Variants in NRXN1 observed in about 807,000 individuals in gnomAD.
The protein encoded by NRXN1 is neurexin-1.
Under a neutral mutation model 150.9 loss-of-function variants are expected in NRXN1, and 39 were observed. That is an observed-to-expected ratio of 0.26 (90% confidence interval 0.20 to 0.34). NRXN1 has a LOEUF of 0.34. Ranked by LOEUF, NRXN1 falls within the 10% of genes least tolerant of loss-of-function variation. The probability of loss-of-function intolerance (pLI) is 1.00; values close to 1 mark genes in which losing one functional copy is unlikely to be tolerated. For missense variants in NRXN1, 1,815 were observed against 1,949.9 expected (o/e 0.93, Z 1.30); for synonymous variants, 924 against 757.0 (o/e 1.22, Z -3.62).
intron 5 of NRXN1, among the ~76,000 whole-genome samples, chr2:50,797,523 A>C (rs1352169860): frequency 6.6e-6 from 1 of 152,178 alleles, no homozygotes; most frequent in Non-Finnish European, 1.5e-5. Context: ...AAATCATGCC[A>C]ATACTGAAAA....
chr2:51,004,069 G>GA lies in NRXN1; in HGVS notation c.772+23432dup, dbSNP rs35431808. On this transcript the variant is annotated intron_variant, in intron 2 of 22. Transcript: ENST00000401669. ...GTTGTTTGCTTGTGTGGTGGTGGGG[G>GA]AAAAAAAAAAAAACTTAGAAGACAT... Among the ~76,000 whole-genome samples the GA allele has an allele frequency of 3.3e-3, 470 of 143,402 alleles. 7 individuals are homozygous for GA. Among genetic ancestry groups the GA allele is most frequent in the Admixed American group, 0.022 (306 of 14,212 alleles). The allele number at this position is 143,402 out of a possible 152,430, so 94.1% of individuals were successfully genotyped here. A position where few individuals can be genotyped will look rare whatever the true frequency, so the allele number is the denominator to read the frequency against.
At position 50,747,388 on chromosome 2, in the gene NRXN1, G is replaced by T. The variant is rs544233090; in HGVS notation, c.833-123773C>A. Among the ~76,000 whole-genome samples, 3 of 152,234 alleles carry T rather than the reference G, an allele frequency of 2.0e-5. No individual in the cohort carries two copies. The East Asian group carries it at 5.8e-4, about 29-fold the overall frequency. Reference sequence around the variant, plus strand: ...GTGGAATGAGGTTTCCTAATTTATAGATTCCTCTGTGGATGTTTGGTGGAA... The same window carrying T: ...GTGGAATGAGGTTTCCTAATTTATATATTCCTCTGTGGATGTTTGGTGGAA... On this transcript the variant is annotated intron_variant, in intron 5 of 22. Transcript: ENST00000401669.
At chr2:50,583,508 T>C (rs1309296006) in intron 8 of NRXN1, among the ~76,000 whole-genome samples, 1 of 152,186 alleles carries the variant, frequency 6.6e-6, no homozygotes, top group Non-Finnish European at 1.5e-5. Flanking sequence ...CCTGCCAGTT[T>C]CCACAAGGAA....
intron 5 of NRXN1, among the ~76,000 whole-genome samples, chr2:50,838,903 CA>C (rs1302317180): frequency 1.3e-5 from 2 of 152,082 alleles, no homozygotes; most frequent in Non-Finnish European, 2.9e-5. Flanking sequence ...GAAACTAACA[CA>C]GGGACATTCC....
At chr2:50,654,293 C>T (rs1371787221) in intron 5 of NRXN1, among the ~76,000 whole-genome samples, 4 of 144,788 alleles carry the variant, frequency 2.8e-5, no homozygotes, top group Non-Finnish European at 6.0e-5. Context: ...GTTTTTTTGT[C>T]CTTGCCATAG....
chr2:50,822,604 C>A (rs923585660), intron 5 of NRXN1, among the ~76,000 whole-genome samples: 2 of 152,024 alleles, frequency 1.3e-5, no homozygotes, highest in Non-Finnish European at 2.9e-5. Context: ...AGGACACACT[C>A]CTATTTTATC....
At chr2:50,874,900 A>T (rs1252801516) in intron 5 of NRXN1, among the ~76,000 whole-genome samples, 1 of 151,886 alleles carries the variant, frequency 6.6e-6, no homozygotes, top group African/African-American at 2.4e-5. Flanking sequence ...AAGCATTACT[A>T]TAATAAAATT....
chr2:49,925,171 T>C (rs1405082561), intron 22 of NRXN1, among the ~76,000 whole-genome samples: 5 of 151,902 alleles, frequency 3.3e-5, no homozygotes, highest in African/African-American at 9.7e-5. Context: ...TCCCAGTTAC[T>C]TGGGGGATTG....
intron 17 of NRXN1, among the ~76,000 whole-genome samples, chr2:50,287,754 A>C (rs1412875043): frequency 6.6e-6 from 1 of 152,192 alleles, no homozygotes; most frequent in Non-Finnish European, 1.5e-5. Context: ...AATAAGTGTT[A>C]GTTGCTTGCT....
At chr2:50,460,771 T>C (rs752486783) in intron 17 of NRXN1, among the ~76,000 whole-genome samples, 11 of 152,076 alleles carry the variant, frequency 7.2e-5, no homozygotes, top group Non-Finnish European at 1.3e-4. Context: ...TGTTTCCCCA[T>C]AGTTTTTTTA....
intron 17 of NRXN1, among the ~76,000 whole-genome samples, chr2:50,353,445 C>T (rs941987749): frequency 7.2e-5 from 11 of 152,200 alleles, no homozygotes; most frequent in Admixed American, 3.9e-4. Flanking sequence ...CATAATGTAG[C>T]GTGACAACAT....
intron 18 of NRXN1, among the ~76,000 whole-genome samples, chr2:50,103,668 A>T (rs778549687): frequency 1.3e-5 from 2 of 152,054 alleles, no homozygotes; most frequent in Non-Finnish European, 2.9e-5. Context: ...TAACTCATGG[A>T]CGTTTTGAAC....
chr2:50,827,813 G>T (rs376204771), intron 5 of NRXN1, among the ~76,000 whole-genome samples: 1 of 150,484 alleles, frequency 6.6e-6, no homozygotes. Context: ...GACTCTTAAC[G>T]AGCATGCTGC....
chr2:50,564,491 C>G (rs1326224500), intron 8 of NRXN1, among the ~76,000 whole-genome samples: 1 of 152,078 alleles, frequency 6.6e-6, no homozygotes, highest in Admixed American at 6.6e-5. Context: ...TTGACTTTAT[C>G]TGCTAAACAA....
chr2:50,429,996 T>A (rs976411434), intron 17 of NRXN1, among the ~76,000 whole-genome samples: 2 of 152,170 alleles, frequency 1.3e-5, no homozygotes, highest in Admixed American at 1.3e-4. Context: ...TATATTCACA[T>A]AAAACAGAAT....
chr2:50,633,889 C>CAAT (rs1317196419), intron 5 of NRXN1, among the ~76,000 whole-genome samples: 1 of 151,988 alleles, frequency 6.6e-6, no homozygotes, highest in Non-Finnish European at 1.5e-5. Flanking sequence ...TGAGGGTGTG[C>CAAT]AATAACTGAG....
chr2:50,495,783 T>C, intron 15 of NRXN1, 122 bp downstream of exon 15: 2 of 729,812 alleles, frequency 2.7e-6, no homozygotes, highest in Non-Finnish European at 4.2e-6. Context: ...AATTATGTGC[T>C]GAAAATGAAA....
At chr2:50,389,930 G>T (rs184373625) in intron 17 of NRXN1, among the ~76,000 whole-genome samples, 2 of 152,154 alleles carry the variant, frequency 1.3e-5, no homozygotes, top group East Asian at 3.9e-4. Flanking sequence ...ATTTCTTTTC[G>T]TGAAAAGGTT....
intron 8 of NRXN1, among the ~76,000 whole-genome samples, chr2:50,579,173 T>A (rs1558965348): frequency 6.6e-6 from 1 of 152,210 alleles, no homozygotes; most frequent in Non-Finnish European, 1.5e-5. Flanking sequence ...GCACCAGTTT[T>A]TAAAGCAGAG....
Sources: gnomAD v4.1 joint callset for allele counts (sites outside exome capture counted in the v4.1 genomes callset) on GRCh38, gnomAD v4.1.1 for gene constraint, MANE v1.5 for transcripts, NCBI Gene and HGNC (gene_info 2026-07-23, HGNC 2026-07-21) for gene names.